The following TIMELESS variants were observed in gnomAD, a reference collection of about 807,000 sequenced individuals.
TIMELESS encodes protein timeless homolog.
TIMELESS carries 124 observed loss-of-function variants against 164.3 expected under a neutral mutation model. That is an observed-to-expected ratio of 0.75 (90% CI 0.65 to 0.88). The LOEUF is 0.88. TIMELESS is among the 40% of genes least tolerant of loss of function. The probability of loss-of-function intolerance (pLI) is 0.00; values close to 1 mark genes in which losing one functional copy is unlikely to be tolerated. For missense variants in TIMELESS, 1,422 were observed against 1,491.4 expected (o/e 0.95, Z 0.77); for synonymous variants, 564 against 563.4 (o/e 1.00, Z -0.02).
intron 15 of TIMELESS, 98 bp from the exon 16 acceptor site, chr12:56,423,992 T>A: frequency 8.8e-7 from 1 of 1,130,386 alleles, no homozygotes; most frequent in Non-Finnish European, 1.3e-6. Flanking sequence ...TTTCTTTTGT[T>A]GGCCAGAAAC....
chr12:56,428,554 A>C lies in TIMELESS; in HGVS notation c.1403T>G (p.Ile468Ser). 1 of 1,613,976 alleles carries C rather than the reference A, an allele frequency of 6.2e-7. No individual in the cohort carries two copies. The highest frequency in any genetic ancestry group is 8.5e-7 in the Non-Finnish European group (1 of 1,179,904). Residue 468 changes from isoleucine to serine, a missense_variant, in exon 12 of 29, where the codon ATC becomes AGC. By Grantham distance (142) the Ile-to-Ser change is moderately radical. Transcript: ENST00000553532. ...GGACCAGGCCAGGGCCTCACTCTTG[A>C]TGATGCGGCTGCTCTCCCTCACAGC... ...DEAVRESSRI[I>S]KNNIFYVMEY...
intron 9 of TIMELESS, 68 bp downstream of exon 9, chr12:56,430,813 T>G (rs1881850347): frequency 8.8e-7 from 1 of 1,130,520 alleles, no homozygotes; most frequent in East Asian, 2.7e-5. Flanking sequence ...CAAGAACTCT[T>G]AAGATGATTA....
chr12:56,446,964 C>A (rs1431933567), intron 1 of TIMELESS, among the ~76,000 whole-genome samples: 1 of 151,744 alleles, frequency 6.6e-6, no homozygotes, highest in Non-Finnish European at 1.5e-5. Context: ...AAATCAAAGT[C>A]TATCTCCCTC....
chr12:56,421,814 T>C lies in TIMELESS; in HGVS notation c.2643-5A>G. The C allele has an allele frequency of 1.2e-6, 2 of 1,614,066 alleles. No individual in the cohort carries two copies. Among genetic ancestry groups the C allele is most frequent in the Non-Finnish European group, 1.7e-6 (2 of 1,179,968 alleles). On this transcript the variant is annotated splice_region_variant and splice_polypyrimidine_tract_variant and intron_variant, in intron 21 of 28. Transcript: ENST00000553532. ...AGTACAATATGGGTTCCTTTCCTGA[T>C]TAGGAAGGTGTCAGTGGAAGAGGAA...
At chr12:56,424,412 C>G (rs933319871) in intron 15 of TIMELESS, among the ~76,000 whole-genome samples, 2 of 152,180 alleles carry the variant, frequency 1.3e-5, no homozygotes, top group African/African-American at 4.8e-5. Context: ...TTCTTGGATA[C>G]TGCCACTTTA....
chr12:56,429,454 T>C (rs1371526674), intron 10 of TIMELESS, among the ~76,000 whole-genome samples: 1 of 149,694 alleles, frequency 6.7e-6, no homozygotes, highest in Non-Finnish European at 1.5e-5. Context: ...TGCCTTGGAC[T>C]CCCAAAGTGC....
At chr12:56,437,091 G>A (rs1882097297) in intron 1 of TIMELESS, among the ~76,000 whole-genome samples, 5 of 152,034 alleles carry the variant, frequency 3.3e-5, no homozygotes, top group Admixed American at 2.6e-4. Flanking sequence ...CACCATACCA[G>A]GCTAACTTTG....
rs772727520 is a variant in TIMELESS, at chr12:56,418,123, C to T, written c.3454+11G>A. On this transcript the variant is annotated intron_variant, in intron 27 of 28. Coordinates refer to ENST00000553532, the MANE Select transcript of TIMELESS (RefSeq NM_003920.5). ...ACGTTAATACTCAGAAGATGGCTGT[C>T]GCACTATTACCCTCTGGGGATGCCA... 10 of 1,613,738 alleles carry T rather than the reference C, an allele frequency of 6.2e-6. No individual in the cohort carries two copies. Among genetic ancestry groups the T allele is most frequent in the East Asian group, 4.5e-5 (2 of 44,898 alleles).
chr12:56,440,972 C>G (rs1868266056), intron 1 of TIMELESS, among the ~76,000 whole-genome samples: 1 of 140,658 alleles, frequency 7.1e-6, no homozygotes, highest in South Asian at 2.4e-4. Context: ...CCTGTGCCAC[C>G]ATGCCAGGCT....
Position 56,448,502 on chromosome 12 carries a change from G to A in TIMELESS, c.-62+808C>T, listed in dbSNP as rs896008475. 4.6e-5 allele frequency among the ~76,000 whole-genome samples: 7 copies of A among 151,754 alleles called. No individual in the cohort carries two copies. In the East Asian group the frequency reaches 9.7e-4, roughly 21 times the overall value. On this transcript the variant is annotated intron_variant, in intron 1 of 28. Coordinates refer to ENST00000553532, the MANE Select transcript of TIMELESS (RefSeq NM_003920.5). ...AGCACTTTGGGAGGCCGAGGCGGGC[G>A]GATCACGAAGTCAGGAGTTTGAGAT...
chr12:56,442,236 G>A (rs1330381401), intron 1 of TIMELESS, among the ~76,000 whole-genome samples: 1 of 152,152 alleles, frequency 6.6e-6, no homozygotes, highest in Admixed American at 6.6e-5. Flanking sequence ...AGTGGTCAAG[G>A]AGGTTTTGTC....
chr12:56,431,942 A>G (rs1277995766), intron 7 of TIMELESS, among the ~76,000 whole-genome samples: 1 of 152,060 alleles, frequency 6.6e-6, no homozygotes, highest in Non-Finnish European at 1.5e-5. Context: ...ATACATATAT[A>G]TATACGCACA....
rs1025731779 is a variant in TIMELESS at position 56,423,560 on chromosome 12, C to T, written c.2090+24G>A. 5.0e-6 allele frequency: 8 copies of T among 1,613,450 alleles called. No individual in the cohort carries two copies. The East Asian group carries it at 1.8e-4, about 36-fold the overall frequency. On this transcript the variant is annotated intron_variant, in intron 17 of 28. Transcript: ENST00000553532. ...AGCCGCACAATCGCCACTCTAGGAC[C>T]AACTCAGGCCTCTCAGCCCGCACCG...
intron 1 of TIMELESS, 61 bp from the exon 2 acceptor site, chr12:56,434,292 A>G (rs775152635): frequency 2.6e-6 from 2 of 772,536 alleles, no homozygotes; most frequent in Non-Finnish European, 2.2e-6. Flanking sequence ...AGATAGGAAC[A>G]GGACGAGGCC....
rs1881887002 is a variant in TIMELESS at position 56,431,610 on chromosome 12, T to C, written c.688-6A>G. On this transcript the variant is annotated splice_polypyrimidine_tract_variant and splice_region_variant and intron_variant, in intron 7 of 28. Coordinates refer to ENST00000553532, the MANE Select transcript of TIMELESS (RefSeq NM_003920.5). ...CCCGCCAGCTGCTCGGGGTTCTAGA[T>C]TGGAACAAAGAGGGAAGAATCAGGA... The C allele has an allele frequency of 1.1e-5, 17 of 1,608,914 alleles. No homozygotes were observed. The highest frequency in any genetic ancestry group is 1.4e-5 in the Non-Finnish European group (16 of 1,178,818).
At chr12:56,445,531 G>T (rs537827726) in intron 1 of TIMELESS, among the ~76,000 whole-genome samples, 1 of 149,834 alleles carries the variant, frequency 6.7e-6, no homozygotes, top group Non-Finnish European at 1.5e-5. Context: ...CTGAGGTCGG[G>T]AGTTCAAGAC....
intron 1 of TIMELESS, among the ~76,000 whole-genome samples, chr12:56,440,156 T>G (rs969323711): frequency 1.6e-4 from 10 of 61,702 alleles, no homozygotes; most frequent in Non-Finnish European, 2.8e-4. Flanking sequence ...TTTTTTTTTT[T>G]GAGACAGAGT....
At chr12:56,433,745 G>A in intron 3 of TIMELESS, 28 bp downstream of exon 3, 1 of 1,613,650 alleles carries the variant, frequency 6.2e-7, no homozygotes, top group Non-Finnish European at 8.5e-7. Flanking sequence ...CTGGCAGGTG[G>A]CAAAAGTTTA....
chr12:56,447,583 A>T (rs1379436081), intron 1 of TIMELESS, among the ~76,000 whole-genome samples: 1 of 152,172 alleles, frequency 6.6e-6, no homozygotes, highest in Non-Finnish European at 1.5e-5. Flanking sequence ...AGACTCAATT[A>T]CATGTGTTTT....
Sources: allele counts gnomAD v4.1 joint callset (sites outside exome capture counted in the v4.1 genomes callset), GRCh38; gene constraint gnomAD v4.1.1; transcripts MANE v1.5; gene names NCBI Gene and HGNC (gene_info 2026-07-23, HGNC 2026-07-21).